Variants in ABCA4 observed in about 807,000 individuals in gnomAD.
ABCA4 encodes the protein ATP binding cassette subfamily A member 4, also known as retinal-specific phospholipid-transporting ATPase ABCA4.
ABCA4 carries 196 observed loss-of-function variants against 263.7 expected under a neutral mutation model. The ratio of observed to expected loss-of-function variants is 0.74; its 90% CI spans 0.66 to 0.84. ABCA4 has a LOEUF of 0.84. Ranked by LOEUF, ABCA4 falls within the 40% of genes least tolerant of loss-of-function variation. The pLI is 0.00. For synonymous variants in ABCA4, 1,133 were observed against 1,094.2 expected, an observed-to-expected ratio of 1.04 and a Z score of -0.70; for missense variants, 2,792 against 2,855.1, an observed-to-expected ratio of 0.98 and a Z score of 0.50.
At chr1:94,021,580 T>C in intron 34 of ABCA4, 60 bp downstream of exon 34, 1 of 1,536,168 alleles carries the variant, frequency 6.5e-7, no homozygotes, top group Non-Finnish European at 9.0e-7. Flanking sequence ...AAAGTAAAAA[T>C]AAAATAACCA....
chr1:94,043,244 C>A, intron 21 of ABCA4, 92 bp downstream of exon 21: 1 of 1,573,446 alleles, frequency 6.4e-7, no homozygotes, highest in Admixed American at 1.7e-5. Context: ...CCCTTAGAAG[C>A]TCTCCTGCTC....
At chr1:94,114,550 G>A (rs868715564) in intron 1 of ABCA4, among the ~76,000 whole-genome samples, 11 of 151,946 alleles carry the variant, frequency 7.2e-5, no homozygotes, top group African/African-American at 2.7e-4. Context: ...GCAGTGGCAC[G>A]ATCTTGGCTC....
At chr1:94,076,292 G>T (rs1413271291) in intron 11 of ABCA4, among the ~76,000 whole-genome samples, 3 of 152,088 alleles carry the variant, frequency 2.0e-5, no homozygotes, top group Non-Finnish European at 2.9e-5. Flanking sequence ...GTGTATAGAT[G>T]ACTGCTAAGG....
intron 6 of ABCA4, among the ~76,000 whole-genome samples, chr1:94,091,271 T>C (rs541292142): frequency 6.6e-6 from 1 of 152,274 alleles, no homozygotes; most frequent in Admixed American, 6.5e-5. Flanking sequence ...CCTTCCCAGC[T>C]CTTTTTAGTG....
chr1:94,050,059 G>A (rs1350602176), intron 17 of ABCA4, among the ~76,000 whole-genome samples: 1 of 152,148 alleles, frequency 6.6e-6, no homozygotes, highest in Admixed American at 6.5e-5. Flanking sequence ...GCCACCCAGG[G>A]CCCCTCTGTC....
intron 29 of ABCA4, among the ~76,000 whole-genome samples, chr1:94,030,186 C>T (rs1660157756): frequency 6.6e-6 from 1 of 152,214 alleles, no homozygotes; most frequent in South Asian, 2.1e-4. Flanking sequence ...GTCAACTCAA[C>T]ATAGAACTTC....
At chr1:94,007,810 A>AGTGT in intron 42 of ABCA4, 70 bp from the exon 43 acceptor site, 11 of 1,425,992 alleles carry the variant, frequency 7.7e-6, no homozygotes, top group Non-Finnish European at 9.9e-6. Context: ...CCCCAGGGTA[A>AGTGT]GTGTGTGTGT....
chr1:94,040,997 C>T (rs1024838072), intron 23 of ABCA4, among the ~76,000 whole-genome samples: 5 of 152,336 alleles, frequency 3.3e-5, no homozygotes, highest in African/African-American at 1.2e-4. Flanking sequence ...ACTTGCAGAC[C>T]ATTTAAAGCT....
At chr1:94,093,089 C>T (rs1225367681) in intron 6 of ABCA4, among the ~76,000 whole-genome samples, 1 of 152,186 alleles carries the variant, frequency 6.6e-6, no homozygotes, top group Non-Finnish European at 1.5e-5. Flanking sequence ...AGCAGCTGCC[C>T]AGGCCTGTGG....
chr1:94,104,022 C>T (rs895816952), intron 4 of ABCA4, among the ~76,000 whole-genome samples: 2 of 152,136 alleles, frequency 1.3e-5, no homozygotes, highest in African/African-American at 4.8e-5. Context: ...ATTGTTGATG[C>T]GGGGTAAGGA....
At chr1:94,043,248 C>A (rs1458724963) in intron 21 of ABCA4, 88 bp downstream of exon 21, 2 of 1,588,124 alleles carry the variant, frequency 1.3e-6, no homozygotes, top group East Asian at 2.2e-5. Context: ...TAGAAGCTCT[C>A]CTGCTCCAAG....
rs182236196 is a variant in ABCA4 at position 94,003,170 on chromosome 1, A to G, written c.6148-1178T>C. Among the ~76,000 whole-genome samples the G allele has an allele frequency of 1.7e-3, 261 of 152,302 alleles. 1 individual carries two copies. The highest frequency in any genetic ancestry group is 6.0e-3 in the African/African-American group (248 of 41,556). On this transcript the variant is annotated intron_variant, in intron 44 of 49. Coordinates refer to ENST00000370225, the MANE Select transcript of ABCA4 (RefSeq NM_000350.3). ...GATACATTTACCTAATCTACTGTTC[A>G]TAGTTCAGTTTTGTCAGTTGGTCCA...
At chr1:94,094,212 A>G (rs1662055767) in intron 6 of ABCA4, among the ~76,000 whole-genome samples, 1 of 152,186 alleles carries the variant, frequency 6.6e-6, no homozygotes, top group Non-Finnish European at 1.5e-5. Flanking sequence ...AACAATCTGC[A>G]ACCAATGACC....
At chr1:94,062,521 CACTCCAG>C in intron 13 of ABCA4, 49 bp downstream of exon 13, 2 of 1,588,636 alleles carry the variant, frequency 1.3e-6, no homozygotes, top group Non-Finnish European at 1.7e-6. Context: ...CACCCCAGCC[CACTCCAG>C]CACCCCCATT....
intron 6 of ABCA4, among the ~76,000 whole-genome samples, chr1:94,086,156 C>T (rs917884621): frequency 3.3e-5 from 5 of 152,178 alleles, no homozygotes; most frequent in African/African-American, 1.2e-4. Flanking sequence ...AGTAAATGAT[C>T]TTATCAGAAT....
intron 1 of ABCA4, among the ~76,000 whole-genome samples, chr1:94,116,449 C>A (rs1477392028): frequency 6.6e-6 from 1 of 152,162 alleles, no homozygotes. Flanking sequence ...TTCCACCGTG[C>A]AGCCAAGGTT....
intron 20 of ABCA4, 130 bp from the exon 21 acceptor site, chr1:94,043,605 G>A: frequency 7.8e-7 from 1 of 1,282,220 alleles, no homozygotes. Flanking sequence ...TGGTGTTTAT[G>A]ATACAATACA....
At position 94,109,018 on chromosome 1, in the gene ABCA4, C is replaced by T. The variant is rs183260807; in HGVS notation, c.303-302G>A. Among the ~76,000 whole-genome samples, 89 of 152,164 alleles carry T rather than the reference C, an allele frequency of 5.8e-4. 2 individuals carry two copies. Among genetic ancestry groups the T allele is most frequent in the East Asian group, 2.9e-3 (15 of 5,166 alleles). ...CGATCTCCTGACCTCGTGATCCACC[C>T]GCCTCAGCCTCCCAAAGTGCTGGGA... On this transcript the variant is annotated intron_variant, in intron 3 of 49. Transcript: ENST00000370225.
At chr1:94,062,241 T>C (rs945802295) in intron 13 of ABCA4, among the ~76,000 whole-genome samples, 1 of 152,222 alleles carries the variant, frequency 6.6e-6, no homozygotes, top group Non-Finnish European at 1.5e-5. Context: ...GCAAACATTC[T>C]GACCAGAACC....
Sources: gnomAD v4.1 joint callset for allele counts (sites outside exome capture counted in the v4.1 genomes callset) on GRCh38, gnomAD v4.1.1 for gene constraint, MANE v1.5 for transcripts, NCBI Gene and HGNC (gene_info 2026-07-23, HGNC 2026-07-21) for gene names.